Variants in INTS11 observed in about 807,000 individuals in gnomAD.
INTS11 encodes integrator complex subunit 11.
In INTS11, 77 loss-of-function variants were observed where a neutral mutation model predicts 78.6. The ratio of observed to expected loss-of-function variants is 0.98; its 90% CI spans 0.81 to 1.18. INTS11 has a LOEUF of 1.18. Ranked by LOEUF, INTS11 falls within the 50% of genes most tolerant of loss-of-function variation. The pLI, the probability that INTS11 is intolerant of heterozygous loss-of-function variation, is 0.00. For synonymous variants in INTS11, 441 were observed against 326.9 expected, an observed-to-expected ratio of 1.35 and a Z score of -3.77; for missense variants, 875 against 825.9, an observed-to-expected ratio of 1.06 and a Z score of -0.73.
At chr1:1,317,682 T>A (rs1642699721) in intron 4 of INTS11, 1 of 152,190 alleles carries the variant, frequency 6.6e-6, no homozygotes, top group Non-Finnish European at 1.5e-5. Context: ...TGTCAGCCCA[T>A]CAGAGCACAA....
intron 1 of INTS11, chr1:1,321,775 G>T: frequency 1.7e-6 from 1 of 581,382 alleles, no homozygotes; most frequent in Non-Finnish European, 2.7e-6. Context: ...CAGAGGCCTT[G>T]GCCAGCCAAG....
At chr1:1,323,300 C>T in intron 1 of INTS11, 3 of 1,544,004 alleles carry the variant, frequency 1.9e-6, no homozygotes, top group Non-Finnish European at 2.6e-6. Context: ...GTGGAAAACG[C>T]TAAGGACATC....
At chr1:1,323,185 T>G in intron 1 of INTS11, 2 of 1,550,144 alleles carry the variant, frequency 1.3e-6, no homozygotes, top group Non-Finnish European at 1.7e-6. Context: ...GCTCACGCCA[T>G]GGGGGAGGAC....
intron 4 of INTS11, chr1:1,317,035 ACCTCCG>A (rs1642654551): frequency 6.6e-6 from 1 of 151,676 alleles, no homozygotes; most frequent in Non-Finnish European, 1.5e-5. Context: ...TCCCGCCTCC[ACCTCCG>A]CCTCCCAAAT....
rs377386006 is a variant in INTS11, at chr1:1,314,790, C to T, written c.702+34G>A. On this transcript the variant is annotated intron_variant, in intron 7 of 16. Coordinates refer to ENST00000435064, the MANE Select transcript of INTS11 (RefSeq NM_017871.6). The surrounding 1 kb of genome is among the most constrained non-coding windows in gnomAD (Gnocchi z 4.2). ...GCCAGAAAGACCAGCCCAGCATGGC[C>T]GAGGGCCCATGTCCCCACCCCTGCT... 24 of 1,594,960 alleles carry T rather than the reference C, an allele frequency of 1.5e-5. No homozygotes were observed. Among genetic ancestry groups the T allele is most frequent in the South Asian group, 4.5e-5 (4 of 89,688 alleles).
chr1:1,316,753 C>T (rs982645034), intron 4 of INTS11: 13 of 151,714 alleles, frequency 8.6e-5, no homozygotes, highest in African/African-American at 3.1e-4. Flanking sequence ...GGAAAAAGCC[C>T]GTCTCTACTA....
At chr1:1,322,032 C>G (rs1166101818) in intron 1 of INTS11, 10 of 1,231,552 alleles carry the variant, frequency 8.1e-6, no homozygotes, top group African/African-American at 1.6e-5. Flanking sequence ...CTGTTCCTGC[C>G]CCCGCTGGGT....
chr1:1,313,619 G>A, intron 9 of INTS11, 27 bp from the exon 10 acceptor site: 2 of 1,612,698 alleles, frequency 1.2e-6, no homozygotes, highest in Non-Finnish European at 8.5e-7. Context: ...GCCAGGTGGG[G>A]GGTCAGGGCA....
intron 1 of INTS11, chr1:1,321,775 G>C: frequency 1.7e-6 from 1 of 581,384 alleles, no homozygotes; most frequent in Non-Finnish European, 2.7e-6. Context: ...CAGAGGCCTT[G>C]GCCAGCCAAG....
intron 1 of INTS11, among the ~76,000 whole-genome samples, chr1:1,322,435 G>A (rs1034812932): frequency 6.8e-6 from 1 of 147,570 alleles, no homozygotes; most frequent in Admixed American, 6.9e-5. Flanking sequence ...CACGCCAGAC[G>A]AAGGTTACTA....
intron 1 of INTS11, 37 bp downstream of exon 1, chr1:1,324,544 A>T: frequency 6.3e-7 from 1 of 1,581,038 alleles, no homozygotes; most frequent in East Asian, 2.4e-5. Context: ...CCGCATACGG[A>T]GCCCACCCCA....
At chr1:1,321,135 C>A (rs1642922110) in intron 1 of INTS11, 42 bp from the exon 2 acceptor site, 2 of 1,492,320 alleles carry the variant, frequency 1.3e-6, no homozygotes, top group South Asian at 1.2e-5. Context: ...GCGCCCCCCG[C>A]CCCCTGTGCT....
intron 1 of INTS11, chr1:1,321,978 G>C (rs1322861520): frequency 1.0e-5 from 14 of 1,376,672 alleles, no homozygotes; most frequent in Non-Finnish European, 1.2e-5. Context: ...CACAGCCGAG[G>C]GGCTGCCTGC....
At chr1:1,317,406 GAAAA>G (rs558231595) in intron 4 of INTS11, 5 of 674,206 alleles carry the variant, frequency 7.4e-6, no homozygotes, top group Admixed American at 7.1e-5. Flanking sequence ...AAAAAAAAAA[GAAAA>G]AAAAAAAGAA....
Position 1,312,213 on chromosome 1 carries a change from G to GCCGGCCCCCCCCCCCCCCCC in INTS11, c.1607+12_1607+13insGGGGGGGGGGGGGGGGCCGG. 4.3e-6 allele frequency: 4 copies of GCCGGCCCCCCCCCCCCCCCC among 934,584 alleles called. No individual in the cohort carries two copies. Among genetic ancestry groups the GCCGGCCCCCCCCCCCCCCCC allele is most frequent in the Non-Finnish European group, 4.7e-6 (3 of 636,642 alleles). 57.9% of individuals were successfully genotyped at this position (934,584 alleles called of 1,614,324 possible). A position where few individuals can be genotyped will look rare whatever the true frequency, so the allele number is the denominator to read the frequency against. On this transcript the variant is annotated intron_variant, in intron 15 of 16. Coordinates refer to ENST00000435064, the MANE Select transcript of INTS11 (RefSeq NM_017871.6). ...CCCAAGGGAGTGGGGGGGGGGCGGG[G>GCCGGCCCCCCCCCCCCCCCC]CCGGGCGCCCACCTCTTGAGGTGGC...
At position 1,313,557 on chromosome 1, in the gene INTS11, C is replaced by T. The variant is rs1446012974; in HGVS notation, c.993G>A (p.Gly331=). The change falls in exon 10 of 17, where the codon GGG becomes GGA. Residue 331 remains glycine (G), a synonymous_variant. Coordinates refer to ENST00000435064, the MANE Select transcript of INTS11 (RefSeq NM_017871.6). ...VFATPGMLHA[G]QSLQIFRKWA... is the part of the protein sequence containing the mutation. ...ATTTCCGGAAGATCTGCAGGGACTGCCCAGCGTGCAGCATTCCTGGCGTGG... is the reference window on the plus strand; with the variant it reads ...ATTTCCGGAAGATCTGCAGGGACTGTCCAGCGTGCAGCATTCCTGGCGTGG... 6.2e-7 allele frequency: 1 copy of T among 1,612,998 alleles called. No homozygotes were observed. Among genetic ancestry groups the T allele is most frequent in the Non-Finnish European group, 8.5e-7 (1 of 1,180,022 alleles).
chr1:1,318,462 A>G (rs531034885), intron 4 of INTS11, among the ~76,000 whole-genome samples: 1 of 152,040 alleles, frequency 6.6e-6, no homozygotes, highest in Admixed American at 6.6e-5. Flanking sequence ...CAGGAGTTCG[A>G]GAGCCTTAGC....
chr1:1,321,125 G>A lies in INTS11; in HGVS notation c.29-32C>T, dbSNP rs750229942. 3 of 1,541,578 alleles carry A rather than the reference G, an allele frequency of 1.9e-6. No homozygotes were observed. In the East Asian group the frequency reaches 6.7e-5, roughly 35 times the overall value. ...GAGGGAGGGCAGATGAGTCACTGCT[G>A]CGCCCCCCGCCCCCTGTGCTGCCTC... On this transcript the variant is annotated intron_variant, in intron 1 of 16. Transcript: ENST00000435064.
In INTS11 at chr1:1,315,422, G is replaced by T. The variant is rs764233397; in HGVS notation, c.545C>A (p.Thr182Asn). The T allele has an allele frequency of 1.2e-6, 2 of 1,613,292 alleles. No homozygotes were observed. The highest frequency in any genetic ancestry group is 1.7e-6 in the Non-Finnish European group (2 of 1,179,918). ...TACTTACCCTAAGTGTCGGTCTGGG[G>T]TCATGTTATAATCACCCTGGTGAAC... ...SVVYTGDYNM[T>N]PDRHLGAAWI... Residue 182 changes from threonine (T) to asparagine (N), a missense_variant, in exon 6 of 17, where the codon ACC (threonine) becomes AAC (asparagine). Thr to Asn is a moderately conservative substitution (Grantham distance 65). Transcript: ENST00000435064.
Sources: allele counts gnomAD v4.1 joint callset (sites outside exome capture counted in the v4.1 genomes callset), GRCh38; gene constraint gnomAD v4.1.1; non-coding constraint Gnocchi (gnomAD v3.1); transcripts MANE v1.5; gene names NCBI Gene and HGNC (gene_info 2026-07-23, HGNC 2026-07-21).